The following TTK variants were observed in gnomAD, a reference collection of about 807,000 sequenced individuals.
TTK encodes the protein TTK protein kinase, also known as dual specificity protein kinase TTK.
In TTK, 59 loss-of-function variants were observed where a neutral mutation model predicts 117.3. The ratio of observed to expected loss-of-function variants is 0.50; its 90% confidence interval spans 0.41 to 0.62. The LOEUF (loss-of-function observed/expected upper bound fraction) is 0.62, where lower values mean the gene tolerates loss of function less well. Among genes scored for constraint, TTK ranks in the 20% least tolerant of loss-of-function variants. The pLI is 0.00. For synonymous variants in TTK, 302 were observed against 325.0 expected (o/e 0.93, Z 0.76); for missense variants, 921 against 989.4 (o/e 0.93, Z 0.93).
intron 13 of TTK, among the ~76,000 whole-genome samples, chr6:80,030,323 A>G (rs1582107831): frequency 6.6e-6 from 1 of 152,314 alleles, no homozygotes; most frequent in East Asian, 1.9e-4. Context: ...AAGGGAAGGA[A>G]TGATGGGGCT....
intron 10 of TTK, among the ~76,000 whole-genome samples, chr6:80,017,435 T>A (rs915702809): frequency 6.6e-6 from 1 of 152,102 alleles, no homozygotes; most frequent in Non-Finnish European, 1.5e-5. Flanking sequence ...TGTGCCACCA[T>A]GCCCGGCTAA....
chr6:80,006,415 T>C (rs1308007146), intron 2 of TTK, among the ~76,000 whole-genome samples: 1 of 152,166 alleles, frequency 6.6e-6, no homozygotes, highest in East Asian at 1.9e-4. Context: ...TGGCTGACTG[T>C]TCACTTTGAA....
intron 18 of TTK, among the ~76,000 whole-genome samples, chr6:80,038,617 T>C (rs1363412565): frequency 6.6e-6 from 1 of 152,220 alleles, no homozygotes; most frequent in Non-Finnish European, 1.5e-5. Flanking sequence ...ACTTAGTACA[T>C]TTATCCAGCT....
intron 3 of TTK, 138 bp from the exon 4 acceptor site, chr6:80,008,248 A>T (rs964312763): frequency 4.4e-5 from 45 of 1,031,808 alleles, no homozygotes; most frequent in South Asian, 8.4e-5. Context: ...AGATTTTTTT[A>T]AAATAACTTA....
intron 4 of TTK, among the ~76,000 whole-genome samples, chr6:80,008,947 G>GTGTGTC (rs1305141131): frequency 6.8e-6 from 1 of 147,776 alleles, no homozygotes; most frequent in Non-Finnish European, 1.5e-5. Flanking sequence ...GTGTGTGTGT[G>GTGTGTC]TGTGTGTGTG....
rs1367403894 is a variant in TTK at position 80,040,270 on chromosome 6, A to G, written c.2382A>G (p.Gln794=). The G allele has an allele frequency of 6.3e-7, 1 of 1,585,696 alleles. No homozygotes were observed. The highest frequency in any genetic ancestry group is 8.6e-7 in the Non-Finnish European group (1 of 1,167,454). The change falls in exon 20 of 22, where the codon CAA becomes CAG. Residue 794 remains glutamine, a synonymous_variant. Coordinates refer to ENST00000369798, the MANE Select transcript of TTK (RefSeq NM_003318.5). The part of the protein sequence containing the change: ...ELLAHPYVQI[Q]THPVNQMAKG... Reference sequence around the variant, plus strand: ...TGGCTCATCCATATGTTCAAATTCAAACTCATCCAGGTACTACTTCTTTAA... The same window carrying G: ...TGGCTCATCCATATGTTCAAATTCAGACTCATCCAGGTACTACTTCTTTAA...
intron 2 of TTK, 42 bp from the exon 3 acceptor site, chr6:80,007,767 T>G: frequency 6.5e-7 from 1 of 1,527,632 alleles, no homozygotes; most frequent in Non-Finnish European, 8.9e-7. Context: ...TGGCATTTGT[T>G]TTATGTCTTT....
In TTK at chr6:80,011,414, T is replaced by A. The variant is rs760523460; in HGVS notation, c.614-20T>A. 1 of 1,497,088 alleles carries A rather than the reference T, an allele frequency of 6.7e-7. No homozygotes were observed. The highest frequency in any genetic ancestry group is 9.0e-7 in the Non-Finnish European group (1 of 1,110,702). The allele number at this position is 1,497,088 out of a possible 1,614,324, so 92.7% of individuals were successfully genotyped here. A position where few individuals can be genotyped will look rare whatever the true frequency, so the allele number is the denominator to read the frequency against. ...GTCTTATTTCTTATAAATTTAATCA[T>A]AGTTTCAAAATTTTTACAGCATCTA... On this transcript the variant is annotated intron_variant, in intron 5 of 21. Transcript: ENST00000369798.
chr6:80,006,180 G>T, intron 2 of TTK, 198 bp downstream of exon 2: 1 of 629,180 alleles, frequency 1.6e-6, no homozygotes, highest in Non-Finnish European at 2.8e-6. Flanking sequence ...CACATGGTAG[G>T]TAGGCACTTA....
chr6:80,026,623 CT>C, intron 12 of TTK, 109 bp downstream of exon 12: 1 of 1,435,686 alleles, frequency 7.0e-7, no homozygotes, highest in South Asian at 1.3e-5. Context: ...ACTTTAAAGA[CT>C]TTCCATCTTC....
In TTK at chr6:80,011,783, A is replaced by T. The variant is rs1302694600; in HGVS notation, c.783A>T (p.Gln261His). 2 of 1,612,772 alleles carry T rather than the reference A, an allele frequency of 1.2e-6. No homozygotes were observed. Among genetic ancestry groups the T allele is most frequent in the Admixed American group, 1.7e-5 (1 of 59,882 alleles). ...TAGGTTACCGGAATTCATTGAGACA[A>T]ACTAACAAAACTAAACAGGTAAGTT... ...AEIGYRNSLRQTNKTKQSCPF... is the reference protein window; with the variant it reads ...AEIGYRNSLRHTNKTKQSCPF... Residue 261 changes from glutamine (Q) to histidine (H), a missense_variant, in exon 7 of 22, where the codon CAA (glutamine) becomes CAT (histidine). By Grantham distance (24) the Gln-to-His change is conservative. Coordinates refer to ENST00000369798, the MANE Select transcript of TTK (RefSeq NM_003318.5).
At chr6:80,013,053 A>G (rs1767202239) in intron 8 of TTK, among the ~76,000 whole-genome samples, 1 of 152,092 alleles carries the variant, frequency 6.6e-6, no homozygotes, top group African/African-American at 2.4e-5. Context: ...GATAATGAAG[A>G]AGTAGGCGAT....
At chr6:80,032,842 AT>A (rs1767795184) in intron 14 of TTK, among the ~76,000 whole-genome samples, 1 of 152,074 alleles carries the variant, frequency 6.6e-6, no homozygotes, top group Non-Finnish European at 1.5e-5. Flanking sequence ...CTCCTGGTCT[AT>A]TTTTTTAAAT....
At position 80,037,949 on chromosome 6, in the gene TTK, C is replaced by T. The variant is rs184305654; in HGVS notation, c.2050-18C>T. 1,201 of 1,498,476 alleles carry T rather than the reference C, an allele frequency of 8.0e-4. 18 individuals are homozygous for T. Among genetic ancestry groups the T allele is most frequent in the Non-Finnish European group, 1.5e-4 (163 of 1,120,086 alleles). 92.8% of individuals were successfully genotyped at this position (1,498,476 alleles called of 1,614,324 possible). ...AAATATTTTCATTGATTTGTGTTTT[C>T]TCTGACTTGGCATATAGGTTGGCAC... On this transcript the variant is annotated intron_variant, in intron 17 of 21. Transcript: ENST00000369798.
intron 10 of TTK, among the ~76,000 whole-genome samples, chr6:80,015,223 AAC>A (rs1767275309): frequency 1.3e-5 from 2 of 152,308 alleles, no homozygotes; most frequent in African/African-American, 2.4e-5. Context: ...TGAAGAGGAT[AAC>A]ACAGACAACG....
intron 19 of TTK, 21 bp from the exon 20 acceptor site, chr6:80,040,175 A>G: frequency 6.6e-7 from 1 of 1,517,688 alleles, no homozygotes; most frequent in East Asian, 2.4e-5. Flanking sequence ...TTTTTCTTTT[A>G]AAATATCTTT....
At position 80,011,746 on chromosome 6, in the gene TTK, A is replaced by C. The variant is rs141417041; in HGVS notation, c.746A>C (p.Gln249Pro). Residue 249 changes from glutamine (Q) to proline (P), a missense_variant, in exon 7 of 22, where the codon CAA becomes CCA. By Grantham distance (76) the Gln-to-Pro change is moderately conservative. Coordinates refer to ENST00000369798, the MANE Select transcript of TTK (RefSeq NM_003318.5). ...RFLYGENMPP[Q>P]DAEIGYRNSL... ...CTGTTTAGAGAGAACATGCCACCAC[A>C]AGATGCAGAAATAGGTTACCGGAAT... The C allele has an allele frequency of 1.2e-4, 192 of 1,612,786 alleles. No homozygotes were observed. The highest frequency in any genetic ancestry group is 1.5e-4 in the Non-Finnish European group (176 of 1,179,198).
At chr6:80,018,249 T>C (rs1269231116) in intron 10 of TTK, among the ~76,000 whole-genome samples, 2 of 152,192 alleles carry the variant, frequency 1.3e-5, no homozygotes, top group Admixed American at 1.3e-4. Flanking sequence ...TATGCATTGC[T>C]AAATTTACTG....
At chr6:80,037,056 A>G (rs1767924536) in intron 17 of TTK, among the ~76,000 whole-genome samples, 1 of 152,156 alleles carries the variant, frequency 6.6e-6, no homozygotes, top group Non-Finnish European at 1.5e-5. Context: ...TGTAAATGCC[A>G]TAAGTATTAT....
Sources: gnomAD v4.1 joint callset for allele counts (sites outside exome capture counted in the v4.1 genomes callset) on GRCh38, gnomAD v4.1.1 for gene constraint, MANE v1.5 for transcripts, NCBI Gene and HGNC (gene_info 2026-07-23, HGNC 2026-07-21) for gene names.